Variants in GAS2 observed in about 807,000 individuals in gnomAD.
GAS2 encodes the protein growth arrest-specific protein 2.
GAS2 carries 20 observed loss-of-function variants against 37.5 expected under a neutral mutation model. That is an observed-to-expected ratio of 0.53 (90% CI 0.37 to 0.77). The LOEUF (loss-of-function observed/expected upper bound fraction) is 0.77. GAS2 is among the 30% of genes least tolerant of loss of function. The pLI is 0.00. For synonymous variants in GAS2, 144 were observed against 132.2 expected (o/e 1.09, Z -0.61); for missense variants, 336 against 373.4 (o/e 0.90, Z 0.82).
intron 7 of GAS2, among the ~76,000 whole-genome samples, chr11:22,811,187 G>A (rs1403942253): frequency 2.0e-5 from 3 of 152,028 alleles, no homozygotes; most frequent in African/African-American, 7.2e-5. Context: ...TAAGTTGTTT[G>A]TTTTAAAAGA....
chr11:22,634,243 C>T lies in GAS2; in HGVS notation c.-21+8430C>T, dbSNP rs531328982. 2.6e-4 allele frequency among the ~76,000 whole-genome samples: 39 copies of T among 152,292 alleles called. 1 individual carries two copies. In the East Asian group the frequency reaches 7.5e-3, roughly 29 times the overall value. On this transcript the variant is annotated intron_variant, in intron 1 of 5. Transcript: ENST00000528582. ...CATCAGATCTTGTGATACTTAGTCA[C>T]TACCATGAGAACATAATGGGGGAAA...
At chr11:22,628,933 G>T (rs1324898838) in intron 1 of GAS2, among the ~76,000 whole-genome samples, 1 of 152,088 alleles carries the variant, frequency 6.6e-6, no homozygotes, top group African/African-American at 2.4e-5. Context: ...ATGGCCTCCA[G>T]TTCCACCCAA....
At chr11:22,806,866 A>G (rs1227112167) in intron 7 of GAS2, among the ~76,000 whole-genome samples, 1 of 152,160 alleles carries the variant, frequency 6.6e-6, no homozygotes, top group Non-Finnish European at 1.5e-5. Context: ...CCATCTCCCA[A>G]GAGTAGCCAA....
Position 22,702,001 on chromosome 11 carries a change from C to T in GAS2, c.267+16212C>T, listed in dbSNP as rs116700939. ...CTTTTAAGATTATTTTAAATGTGTC[C>T]TATCTTCTTAAATCAAAAATGATAC... On this transcript the variant is annotated intron_variant, in intron 3 of 7. Coordinates refer to ENST00000454584, the MANE Select transcript of GAS2 (RefSeq NM_001143830.3). Among the ~76,000 whole-genome samples, 558 of 152,084 alleles carry T rather than the reference C, an allele frequency of 3.7e-3. 3 individuals carry two copies. Among genetic ancestry groups the T allele is most frequent in the African/African-American group, 0.013 (530 of 41,500 alleles).
intron 1 of GAS2, among the ~76,000 whole-genome samples, chr11:22,628,944 G>A (rs1858704689): frequency 6.6e-6 from 1 of 152,090 alleles, no homozygotes; most frequent in Non-Finnish European, 1.5e-5. Context: ...TTCCACCCAA[G>A]TGGCTGCAAA....
intron 7 of GAS2, among the ~76,000 whole-genome samples, chr11:22,792,190 G>A (rs1856199231): frequency 1.3e-5 from 2 of 152,142 alleles, no homozygotes; most frequent in South Asian, 4.1e-4. Flanking sequence ...GAGAGAGGTG[G>A]ACTAAACAAA....
intron 5 of GAS2, among the ~76,000 whole-genome samples, chr11:22,745,382 A>G (rs1853334840): frequency 6.6e-6 from 1 of 152,164 alleles, no homozygotes; most frequent in Admixed American, 6.5e-5. Context: ...TTATTCAATA[A>G]ATGGTGCTGG....
intron 3 of GAS2, among the ~76,000 whole-genome samples, chr11:22,705,671 T>C (rs1348042693): frequency 6.6e-6 from 1 of 152,230 alleles, no homozygotes; most frequent in Non-Finnish European, 1.5e-5. Context: ...CAATTGATTA[T>C]TCAACACATG....
chr11:22,678,549 A>G (rs904984333), intron 2 of GAS2, among the ~76,000 whole-genome samples: 4 of 150,830 alleles, frequency 2.7e-5, no homozygotes, highest in African/African-American at 9.8e-5. Context: ...GGTGAGGTAG[A>G]AATTACATAT....
At chr11:22,683,878 T>C (rs1849816923) in intron 2 of GAS2, among the ~76,000 whole-genome samples, 2 of 152,154 alleles carry the variant, frequency 1.3e-5, no homozygotes, top group East Asian at 1.9e-4. Flanking sequence ...GTTTGTAACA[T>C]ACTAAAGAAG....
At chr11:22,674,776 T>G (rs1394222997) in intron 1 of GAS2, 74 bp from the exon 2 acceptor site, 7 of 1,186,858 alleles carry the variant, frequency 5.9e-6, no homozygotes, top group Non-Finnish European at 8.3e-6. Flanking sequence ...TCCAGTTCAT[T>G]ATAATGTCAT....
chr11:22,677,778 A>T (rs995176023), intron 2 of GAS2, among the ~76,000 whole-genome samples: 3 of 152,132 alleles, frequency 2.0e-5, no homozygotes, highest in Admixed American at 2.0e-4. Flanking sequence ...AACTTGCCCA[A>T]AGTCACTCAG....
At chr11:22,688,109 T>C (rs928288008) in intron 3 of GAS2, among the ~76,000 whole-genome samples, 1 of 152,228 alleles carries the variant, frequency 6.6e-6, no homozygotes, top group African/African-American at 2.4e-5. Flanking sequence ...GGTCAAAGGC[T>C]TTGACATTAA....
intron 7 of GAS2, among the ~76,000 whole-genome samples, chr11:22,791,853 A>G (rs1199181442): frequency 2.0e-5 from 3 of 152,228 alleles, no homozygotes; most frequent in Non-Finnish European, 4.4e-5. Context: ...CAAGCACATC[A>G]CTGGAGGCTG....
intron 7 of GAS2, among the ~76,000 whole-genome samples, chr11:22,781,863 CA>C (rs1855570492): frequency 6.6e-6 from 1 of 152,090 alleles, no homozygotes; most frequent in South Asian, 2.1e-4. Context: ...AGGCTAATTT[CA>C]GTGTTTTAGA....
chr11:22,736,437 A>G (rs1202539056), intron 4 of GAS2, among the ~76,000 whole-genome samples: 1 of 152,036 alleles, frequency 6.6e-6, no homozygotes, highest in Non-Finnish European at 1.5e-5. Flanking sequence ...TTCTGGTAGG[A>G]TTCAAATTTA....
intron 3 of GAS2, among the ~76,000 whole-genome samples, chr11:22,707,372 A>G (rs945562922): frequency 4.6e-5 from 7 of 152,210 alleles, no homozygotes; most frequent in African/African-American, 1.4e-4. Context: ...ATGAGTAAGG[A>G]AGTGCTTTAG....
intron 3 of GAS2, among the ~76,000 whole-genome samples, chr11:22,694,235 C>T (rs944049992): frequency 6.6e-6 from 1 of 152,108 alleles, no homozygotes; most frequent in Non-Finnish European, 1.5e-5. Context: ...GATTAATAAA[C>T]CATAATCAGA....
intron 7 of GAS2, among the ~76,000 whole-genome samples, chr11:22,803,765 G>C (rs962069375): frequency 6.6e-6 from 1 of 152,100 alleles, no homozygotes; most frequent in Non-Finnish European, 1.5e-5. Context: ...TTCCAAAAAT[G>C]AAGACTACAT....
Sources: allele counts gnomAD v4.1 joint callset (sites outside exome capture counted in the v4.1 genomes callset), GRCh38; gene constraint gnomAD v4.1.1; transcripts MANE v1.5; gene names NCBI Gene and HGNC (gene_info 2026-07-23, HGNC 2026-07-21).